SH3GLB2: variants seen among roughly 807,000 people sequenced by gnomAD.
SH3GLB2 encodes the protein endophilin-B2.
Under a neutral mutation model 48.0 loss-of-function variants are expected in SH3GLB2, and 24 were observed. The observed-to-expected ratio is 0.50, with a 90% CI of 0.36 to 0.70. The LOEUF is 0.70. Ranked by LOEUF, SH3GLB2 falls within the 30% of genes least tolerant of loss-of-function variation. SH3GLB2 has a pLI of 0.00. For synonymous variants in SH3GLB2, 227 were observed against 207.6 expected, an observed-to-expected ratio of 1.09 and a Z score of -0.80; for missense variants, 425 against 516.0, an observed-to-expected ratio of 0.82 and a Z score of 1.71.
chr9:129,025,850 C>A (rs7870053), intron 1 of SH3GLB2, among the ~76,000 whole-genome samples: 2 of 151,428 alleles, frequency 1.3e-5, no homozygotes, highest in Admixed American at 1.3e-4. Context: ...GCATCCATCC[C>A]ATGTCCACTG....
chr9:129,010,572 G>A (rs1843054524), intron 7 of SH3GLB2, 98 bp downstream of exon 7: 3 of 1,403,282 alleles, frequency 2.1e-6, no homozygotes, highest in Non-Finnish European at 3.0e-6. Context: ...AGTGGGTGTG[G>A]GGCAGAGTGA....
At position 129,008,632 on chromosome 9, in the gene SH3GLB2, C is replaced by T. The variant is rs1251083896; in HGVS notation, c.*52G>A. 24 of 1,375,554 alleles carry T rather than the reference C, an allele frequency of 1.7e-5. No individual in the cohort carries two copies. The highest frequency in any genetic ancestry group is 5.7e-5 in the African/African-American group (4 of 70,408). The allele number at this position is 1,375,554 out of a possible 1,614,324, so 85.2% of individuals were successfully genotyped here. ...ACAAACAAGTTAAGTGGCAGGGCTGCGCCCATCCTCTCCTGCCTAGGCCAG... is the reference window on the plus strand; with the variant it reads ...ACAAACAAGTTAAGTGGCAGGGCTGTGCCCATCCTCTCCTGCCTAGGCCAG... On this transcript the variant is annotated 3_prime_UTR_variant, in exon 11 of 11. Coordinates refer to ENST00000372564, the MANE Select transcript of SH3GLB2 (RefSeq NM_020145.4).
chr9:129,008,884 G>T, intron 10 of SH3GLB2, 93 bp from the exon 11 acceptor site: 1 of 1,338,492 alleles, frequency 7.5e-7, no homozygotes, highest in Non-Finnish European at 1.1e-6. Flanking sequence ...CCTCCCCATG[G>T]CCCGTGGCAT....
At position 129,028,329 on chromosome 9, in the gene SH3GLB2, C is replaced by T; in HGVS notation, c.-175G>A. Reference sequence around the variant, plus strand: ...CAGCCGCCGAGCCAGCCCGAGCGCGCAGGGCGGGGCGCGGAGGCCGCGGGT... The same window carrying T: ...CAGCCGCCGAGCCAGCCCGAGCGCGTAGGGCGGGGCGCGGAGGCCGCGGGT... On this transcript the variant is annotated 5_prime_UTR_variant, in exon 1 of 11. Coordinates refer to ENST00000372564, the MANE Select transcript of SH3GLB2 (RefSeq NM_020145.4). The T allele has an allele frequency of 4.1e-6, 1 of 241,542 alleles. No homozygotes were observed. The highest frequency in any genetic ancestry group is 1.4e-4 in the South Asian group (1 of 6,906). 15.0% of individuals were successfully genotyped at this position (241,542 alleles called of 1,614,324 possible).
At chr9:129,013,166 C>T in intron 5 of SH3GLB2, 3 of 796,300 alleles carry the variant, frequency 3.8e-6, no homozygotes, top group African/African-American at 1.7e-5. Context: ...GCCTGCCCTC[C>T]TGAAGAGTCC....
intron 1 of SH3GLB2, 146 bp from the exon 2 acceptor site, chr9:129,022,569 C>T: frequency 1.5e-6 from 1 of 654,534 alleles, no homozygotes. Flanking sequence ...GAGTGTGATA[C>T]TGTGTGACCT....
intron 10 of SH3GLB2, 116 bp downstream of exon 10, chr9:129,008,990 C>T (rs1842923015): frequency 3.3e-6 from 5 of 1,518,478 alleles, no homozygotes; most frequent in Middle Eastern, 4.0e-4. Context: ...CCCTCTTTAA[C>T]CTGCTGGTCC....
Position 129,014,994 on chromosome 9 carries a change from AGCAAGG to A in SH3GLB2, c.335-96_335-91del. ...AGGGCTCAGGAAGAGCTTGCTGAAG[AGCAAGG>A]GCCGGGGTGCTCAGTGCAGAATGCT... On this transcript the variant is annotated intron_variant, in intron 3 of 10. Coordinates refer to ENST00000372564, the MANE Select transcript of SH3GLB2 (RefSeq NM_020145.4). The surrounding 1 kb of genome is among the most constrained non-coding windows in gnomAD (Gnocchi z 4.1). The A allele has an allele frequency of 6.6e-7, 1 of 1,523,682 alleles. No homozygotes were observed. The highest frequency in any genetic ancestry group is 1.3e-5 in the South Asian group (1 of 79,234). 94.4% of individuals were successfully genotyped at this position (1,523,682 alleles called of 1,614,324 possible).
Position 129,008,512 on chromosome 9 carries a change from G to A in SH3GLB2, c.*172C>T. ...TCAGAAGCAGGGCTGGGGGAGGGGT[G>A]GAGCCATTCAGCCTCAGGCACCCTC... is the stretch of plus-strand genomic sequence containing the variant. On this transcript the variant is annotated 3_prime_UTR_variant, in exon 11 of 11. Transcript: ENST00000372564. 1 of 592,804 alleles carries A rather than the reference G, an allele frequency of 1.7e-6. No individual in the cohort carries two copies. Among genetic ancestry groups the A allele is most frequent in the Non-Finnish European group, 3.1e-6 (1 of 325,574 alleles). 36.7% of individuals were successfully genotyped at this position (592,804 alleles called of 1,614,324 possible).
chr9:129,022,527 C>T lies in SH3GLB2; in HGVS notation c.64-104G>A, dbSNP rs1843876779. ...CTGCCCCTCCCCACCAGCAGGAACC[C>T]AGGCAGGCCCCAGGGTCAAGGAACC... On this transcript the variant is annotated intron_variant, in intron 1 of 10. Coordinates refer to ENST00000372564, the MANE Select transcript of SH3GLB2 (RefSeq NM_020145.4). The T allele has an allele frequency of 1.1e-5, 12 of 1,046,888 alleles. No individual in the cohort carries two copies. In the Middle Eastern group the frequency reaches 8.4e-4, roughly 74 times the overall value. The allele number at this position is 1,046,888 out of a possible 1,614,324, so 64.8% of individuals were successfully genotyped here. A position where few individuals can be genotyped will look rare whatever the true frequency, so the allele number is the denominator to read the frequency against.
chr9:129,023,412 G>A (rs757436185), intron 1 of SH3GLB2, among the ~76,000 whole-genome samples: 4 of 152,168 alleles, frequency 2.6e-5, no homozygotes, highest in Non-Finnish European at 2.9e-5. Context: ...TTTTCCAAAC[G>A]GGGACACCAA....
intron 1 of SH3GLB2, among the ~76,000 whole-genome samples, chr9:129,026,134 G>T (rs1011153927): frequency 1.3e-5 from 2 of 152,110 alleles, no homozygotes; most frequent in South Asian, 2.1e-4. Flanking sequence ...CCATGCAGGA[G>T]ACCATCCCAG....
intron 6 of SH3GLB2, 153 bp from the exon 7 acceptor site, chr9:129,010,846 G>T: frequency 2.2e-6 from 2 of 909,480 alleles, no homozygotes; most frequent in East Asian, 2.7e-5. Context: ...CTGGGCCGAG[G>T]CCCGGCATGG....
At position 129,014,343 on chromosome 9, in the gene SH3GLB2, C is replaced by CA; in HGVS notation, c.561+67dup. 6.9e-7 allele frequency: 1 copy of CA among 1,439,812 alleles called. No individual in the cohort carries two copies. The highest frequency in any genetic ancestry group is 2.5e-5 in the East Asian group (1 of 40,274). 89.2% of individuals were successfully genotyped at this position (1,439,812 alleles called of 1,614,324 possible). A position where few individuals can be genotyped will look rare whatever the true frequency, so the allele number is the denominator to read the frequency against. On this transcript the variant is annotated intron_variant, in intron 5 of 10. Transcript: ENST00000372564. The surrounding 1 kb of genome is among the most constrained non-coding windows in gnomAD (Gnocchi z 4.1). ...GGTCATGCCAAATACCAGGTCCCTT[C>CA]ATGCCACCACCCCTTGGCTCCAGCC...
In SH3GLB2 at chr9:129,028,097, C is replaced by T. The variant is rs1425952025; in HGVS notation, c.58G>A (p.Val20Met). 2 of 1,501,744 alleles carry T rather than the reference C, an allele frequency of 1.3e-6. No individual in the cohort carries two copies. Among genetic ancestry groups the T allele is most frequent in the Non-Finnish European group, 8.9e-7 (1 of 1,128,468 alleles). 93.0% of individuals were successfully genotyped at this position (1,501,744 alleles called of 1,614,324 possible). ...GGCGCGACGCCAGGCCTCACCTGCA[C>T]CGCCCGGGTGAAGAAGATGCCCGCG... ...SDAGIFFTRA[V>M]QFTEEKFGQA... Residue 20 changes from valine to methionine, a missense_variant, in exon 1 of 11, where the codon GTG becomes ATG. Val to Met is a conservative substitution (Grantham distance 21). Transcript: ENST00000372564.
In SH3GLB2 at chr9:129,008,448, C is replaced by T. The variant is rs903255269; in HGVS notation, c.*236G>A. 1.4e-5 allele frequency: 7 copies of T among 483,994 alleles called. No individual in the cohort carries two copies. The highest frequency in any genetic ancestry group is 8.1e-5 in the South Asian group (4 of 49,122). The allele number at this position is 483,994 out of a possible 1,614,324, so 30.0% of individuals were successfully genotyped here. A position where few individuals can be genotyped will look rare whatever the true frequency, so the allele number is the denominator to read the frequency against. ...AGTGGAGCCTGGAGGGTGGGGTGCT[C>T]GGGGATGCAGGCAGGGGCAGGGGCT... is the stretch of plus-strand genomic sequence containing the variant. On this transcript the variant is annotated 3_prime_UTR_variant, in exon 11 of 11. Coordinates refer to ENST00000372564, the MANE Select transcript of SH3GLB2 (RefSeq NM_020145.4).
chr9:129,010,712 G>A lies in SH3GLB2; in HGVS notation c.625-19C>T, dbSNP rs1184789534. 7 of 1,613,922 alleles carry A rather than the reference G, an allele frequency of 4.3e-6. No homozygotes were observed. Among genetic ancestry groups the A allele is most frequent in the Non-Finnish European group, 5.9e-6 (7 of 1,179,936 alleles). On this transcript the variant is annotated intron_variant, in intron 6 of 10. Coordinates refer to ENST00000372564, the MANE Select transcript of SH3GLB2 (RefSeq NM_020145.4). ...TCCAGAGCTGTGGAGACGGCAGCAG[G>A]AGTGGCCAGCAGGGGAGGGGAGAGG...
chr9:129,018,341 G>T lies in SH3GLB2; in HGVS notation c.334+2750C>A, dbSNP rs897182293. 5.9e-5 allele frequency among the ~76,000 whole-genome samples: 9 copies of T among 151,668 alleles called. No homozygotes were observed. The South Asian group carries it at 8.4e-4, about 14-fold the overall frequency. On this transcript the variant is annotated intron_variant, in intron 3 of 10. Transcript: ENST00000372564. ...GCCTGTAATCCCAGCACTTTGGGAG[G>T]CCAAGGCGGGCGGATCACAAGGTCA...
rs778669756 is a variant in SH3GLB2 at position 129,010,101 on chromosome 9, G to A, written c.738+19C>T. The A allele has an allele frequency of 1.2e-6, 2 of 1,607,072 alleles. No individual in the cohort carries two copies. The highest frequency in any genetic ancestry group is 1.1e-5 in the South Asian group (1 of 90,920). ...CCTGCTGAGGGTTAGGTTTAGTGAGGGTGGGCAGTGGGACTCACGTGAGTG... is the reference window on the plus strand; with the variant it reads ...CCTGCTGAGGGTTAGGTTTAGTGAGAGTGGGCAGTGGGACTCACGTGAGTG... On this transcript the variant is annotated intron_variant, in intron 8 of 10. Transcript: ENST00000372564.
Sources: gnomAD v4.1 joint callset for allele counts (sites outside exome capture counted in the v4.1 genomes callset) on GRCh38, gnomAD v4.1.1 for gene constraint, Gnocchi (gnomAD v3.1) non-coding constraint, MANE v1.5 for transcripts, NCBI Gene and HGNC (gene_info 2026-07-23, HGNC 2026-07-21) for gene names.